The following CDIN1 variants were observed in gnomAD, a reference collection of about 807,000 sequenced individuals.
CDIN1 encodes the protein CDAN1-interacting nuclease 1.
CDIN1 carries 33 observed loss-of-function variants against 45.3 expected under a neutral mutation model. The ratio of observed to expected loss-of-function variants is 0.73; its 90% CI spans 0.55 to 0.97. CDIN1 has a LOEUF of 0.97. Ranked by LOEUF, CDIN1 falls within the 50% of genes least tolerant of loss-of-function variation. The probability of loss-of-function intolerance (pLI) is 0.00; values close to 1 mark genes in which losing one functional copy is unlikely to be tolerated. For missense variants in CDIN1, 303 were observed against 339.4 expected (o/e 0.89, Z 0.84); for synonymous variants, 118 against 124.4 (o/e 0.95, Z 0.34).
chr15:36,773,300 G>A (rs1167810191), intron 10 of CDIN1, among the ~76,000 whole-genome samples: 2 of 152,102 alleles, frequency 1.3e-5, no homozygotes, highest in African/African-American at 4.8e-5. Flanking sequence ...CTCTAGATCT[G>A]TGCTGTTCAA....
At chr15:36,749,727 C>G (rs905984469) in intron 10 of CDIN1, among the ~76,000 whole-genome samples, 1 of 152,216 alleles carries the variant, frequency 6.6e-6, no homozygotes, top group Non-Finnish European at 1.5e-5. Flanking sequence ...AGCTCCCAAA[C>G]AACCATAGAG....
At chr15:36,602,162 G>A (rs959224184) in intron 1 of CDIN1, among the ~76,000 whole-genome samples, 13 of 152,266 alleles carry the variant, frequency 8.5e-5, no homozygotes, top group Admixed American at 2.0e-4. Flanking sequence ...GGAAGGGGCT[G>A]ATGGTTTTGG....
intron 10 of CDIN1, among the ~76,000 whole-genome samples, chr15:36,759,423 T>C (rs2053697527): frequency 6.6e-6 from 1 of 152,180 alleles, no homozygotes; most frequent in South Asian, 2.1e-4. Context: ...ACTTTGGAGA[T>C]ATTCTTTATT....
At chr15:36,680,476 AC>A (rs1051689169) in intron 5 of CDIN1, among the ~76,000 whole-genome samples, 20 of 152,190 alleles carry the variant, frequency 1.3e-4, no homozygotes, top group African/African-American at 4.8e-4. Context: ...GAAATGATAG[AC>A]AAAATTTTTA....
rs553841333 is a variant in CDIN1, at chr15:36,684,122, G to A, written c.347-7563G>A. ...ACTTCCAACACTATGTTGAATAGCA[G>A]TGGTGAGAGAGGGCATCCCTGTCTT... On this transcript the variant is annotated intron_variant, in intron 5 of 10. Coordinates refer to ENST00000566621, the MANE Select transcript of CDIN1 (RefSeq NM_001321759.2). Among the ~76,000 whole-genome samples, 3 of 151,720 alleles carry A rather than the reference G, an allele frequency of 2.0e-5. No homozygotes were observed. In the South Asian group the frequency reaches 6.3e-4, roughly 32 times the overall value.
chr15:36,612,974 G>T (rs554844120), intron 1 of CDIN1, among the ~76,000 whole-genome samples: 1 of 152,334 alleles, frequency 6.6e-6, no homozygotes, highest in South Asian at 2.1e-4. Context: ...CAAAATGAAA[G>T]CAGAGGCCAA....
rs534926758 is a variant in CDIN1, at chr15:36,759,708, G to A, written c.717-48616G>A. ...TAAAGAAAAGTTTAATTGACTCACA[G>A]TTCCACAGGTTATACAGAAGGCATG... is the stretch of plus-strand genomic sequence containing the variant. On this transcript the variant is annotated intron_variant, in intron 10 of 10. Coordinates refer to ENST00000566621, the MANE Select transcript of CDIN1 (RefSeq NM_001321759.2). 3.3e-5 allele frequency among the ~76,000 whole-genome samples: 5 copies of A among 152,276 alleles called. No homozygotes were observed. In the East Asian group the frequency reaches 9.6e-4, roughly 29 times the overall value.
chr15:36,742,311 C>A (rs1308989391), intron 10 of CDIN1, among the ~76,000 whole-genome samples: 1 of 152,068 alleles, frequency 6.6e-6, no homozygotes, highest in Non-Finnish European at 1.5e-5. Flanking sequence ...GAGATACGAA[C>A]CCTTACTGTT....
At position 36,808,943 on chromosome 15, in the gene CDIN1, C is replaced by T; in HGVS notation, c.*490C>T. 1 of 455,954 alleles carries T rather than the reference C, an allele frequency of 2.2e-6. No individual in the cohort carries two copies. The highest frequency in any genetic ancestry group is 4.4e-6 in the Non-Finnish European group (1 of 226,750). 28.2% of individuals were successfully genotyped at this position (455,954 alleles called of 1,614,324 possible). A position where few individuals can be genotyped will look rare whatever the true frequency, so the allele number is the denominator to read the frequency against. ...ATTACCATCGTGGAATAATCTAGCG[C>T]AAACCTAGGAAAGCTGAAGCCACAA... is the stretch of plus-strand genomic sequence containing the variant. On this transcript the variant is annotated 3_prime_UTR_variant, in exon 11 of 11. Transcript: ENST00000566621.
rs147384659 is a variant in CDIN1 at position 36,687,193 on chromosome 15, G to A, written c.347-4492G>A. ...TCAGCAGAACACAGAAAATAAGAGA[G>A]TAAAAATAAGCCTGAATGTATCAGT... On this transcript the variant is annotated intron_variant, in intron 5 of 10. Transcript: ENST00000566621. Among the ~76,000 whole-genome samples the A allele has an allele frequency of 6.9e-3, 1,047 of 152,128 alleles. 15 individuals carry two copies. The highest frequency in any genetic ancestry group is 0.024 in the African/African-American group (982 of 41,508).
At position 36,644,299 on chromosome 15, in the gene CDIN1, G is replaced by T; in HGVS notation, c.123G>T (p.Leu41=). ...RFPSQSQATL[L]SIFSQEYQKH... ...CCAGTCAATCGCAGGCCACTCTGCT[G>T]AGCATCTTCTCCCAGGAGTACCAGG... is the stretch of plus-strand genomic sequence containing the variant. The change falls in exon 2 of 11, where the codon CTG becomes CTT. Residue 41 remains leucine, a synonymous_variant. Transcript: ENST00000566621. 6.2e-7 allele frequency: 1 copy of T among 1,613,694 alleles called. No homozygotes were observed. The highest frequency in any genetic ancestry group is 1.1e-5 in the South Asian group (1 of 91,022).
At chr15:36,710,980 T>C (rs1229990732) in intron 10 of CDIN1, among the ~76,000 whole-genome samples, 1 of 152,170 alleles carries the variant, frequency 6.6e-6, no homozygotes, top group Non-Finnish European at 1.5e-5. Context: ...TGTAATAGCT[T>C]TCTTGATTTT....
Position 36,800,909 on chromosome 15 carries a change from G to GTATATATATATATATA in CDIN1, c.717-7395_717-7380dup, listed in dbSNP as rs370036091. On this transcript the variant is annotated intron_variant, in intron 10 of 10. Coordinates refer to ENST00000566621, the MANE Select transcript of CDIN1 (RefSeq NM_001321759.2). The stretch of plus-strand genomic sequence containing the variant: ...TGTGTGTGTGTGTGTGTGTGTGTGT[G>GTATATATATATATATA]TATATATATATATATATATATATAT... Among the ~76,000 whole-genome samples, 167 of 22,336 alleles carry GTATATATATATATATA rather than the reference G, an allele frequency of 7.5e-3. 8 individuals are homozygous for GTATATATATATATATA. Among genetic ancestry groups the GTATATATATATATATA allele is most frequent in the Non-Finnish European group, 0.013 (107 of 8,548 alleles). 14.7% of individuals were successfully genotyped at this position (22,336 alleles called of 152,430 possible).
intron 1 of CDIN1, chr15:36,619,216 G>T: frequency 7.6e-7 from 1 of 1,310,142 alleles, no homozygotes; most frequent in Non-Finnish European, 1.0e-6. Context: ...ACCTCAGGGA[G>T]TGACATGACG....
intron 5 of CDIN1, among the ~76,000 whole-genome samples, chr15:36,674,459 C>T (rs1290931405): frequency 6.6e-6 from 1 of 152,042 alleles, no homozygotes; most frequent in Non-Finnish European, 1.5e-5. Context: ...TTTAAAAGGC[C>T]AAAGGCAATG....
At chr15:36,587,426 C>T (rs756469944) in intron 1 of CDIN1, among the ~76,000 whole-genome samples, 27 of 63,332 alleles carry the variant, frequency 4.3e-4, no homozygotes, top group East Asian at 1.6e-3. Context: ...TGAGTTGAAG[C>T]TGGCCATATT....
At chr15:36,793,511 T>G (rs1345825185) in intron 10 of CDIN1, among the ~76,000 whole-genome samples, 1 of 152,202 alleles carries the variant, frequency 6.6e-6, no homozygotes, top group Non-Finnish European at 1.5e-5. Context: ...GGGGATTAGA[T>G]AAATTACTGT....
chr15:36,618,204 A>T, intron 1 of CDIN1: 1 of 679,918 alleles, frequency 1.5e-6, no homozygotes, highest in South Asian at 1.7e-5. Context: ...TTCCAAAAAA[A>T]AACCTGAAGC....
intron 10 of CDIN1, among the ~76,000 whole-genome samples, chr15:36,740,301 T>C (rs1360813836): frequency 6.6e-6 from 1 of 152,214 alleles, no homozygotes; most frequent in Admixed American, 6.5e-5. Flanking sequence ...GTGAGGTAGA[T>C]GTGGGGGGTG....
Sources: allele counts gnomAD v4.1 joint callset (sites outside exome capture counted in the v4.1 genomes callset), GRCh38; gene constraint gnomAD v4.1.1; transcripts MANE v1.5; gene names NCBI Gene and HGNC (gene_info 2026-07-23, HGNC 2026-07-21).